LRP1B: variants seen among roughly 807,000 people sequenced by gnomAD.
LRP1B encodes LDL receptor related protein 1B.
In LRP1B, 217 loss-of-function variants were observed where a neutral mutation model predicts 556.6. The observed-to-expected ratio is 0.39, with a 90% CI of 0.35 to 0.44. The LOEUF is 0.44. Ranked by LOEUF, LRP1B falls within the 20% of genes least tolerant of loss-of-function variation. The pLI, the probability that LRP1B is intolerant of heterozygous loss-of-function variation, is 1.00. For synonymous variants in LRP1B, 2,047 were observed against 1,865.8 expected (o/e 1.10, Z -2.50); for missense variants, 5,053 against 5,620.8 (o/e 0.90, Z 3.23).
In LRP1B at chr2:140,501,878, G is replaced by A; in HGVS notation, c.8663-4C>T. The A allele has an allele frequency of 1.3e-6, 2 of 1,571,486 alleles. No individual in the cohort carries two copies. Among genetic ancestry groups the A allele is most frequent in the African/African-American group, 1.4e-5 (1 of 72,916 alleles). ...AATGAACTGTTGCATGACTGTTCTG[G>A]AAAAAAAATAAAACAAATGGAACAT... On this transcript the variant is annotated splice_region_variant and splice_polypyrimidine_tract_variant and intron_variant, in intron 54 of 90. Transcript: ENST00000389484.
At chr2:141,698,692 A>C (rs781652891) in intron 2 of LRP1B, among the ~76,000 whole-genome samples, 2 of 151,550 alleles carry the variant, frequency 1.3e-5, no homozygotes, top group Non-Finnish European at 2.9e-5. Flanking sequence ...AATAGAAATT[A>C]CTCAATAGCA....
intron 32 of LRP1B, among the ~76,000 whole-genome samples, chr2:140,776,890 CT>C (rs898422514): frequency 2.3e-4 from 35 of 152,120 alleles, no homozygotes; most frequent in African/African-American, 8.2e-4. Flanking sequence ...AGATCTCCCC[CT>C]CTTATTGTAT....
chr2:141,825,296 TAA>T (rs545819602), intron 1 of LRP1B, among the ~76,000 whole-genome samples: 12 of 152,236 alleles, frequency 7.9e-5, no homozygotes, highest in African/African-American at 2.9e-4. Context: ...GTAGCACAGA[TAA>T]AAAGACTGAA....
chr2:140,650,375 G>C (rs933959694), intron 41 of LRP1B, among the ~76,000 whole-genome samples: 1 of 149,404 alleles, frequency 6.7e-6, no homozygotes, highest in Non-Finnish European at 1.5e-5. Flanking sequence ...TTGAGAAGGA[G>C]TCTCACTCTG....
rs185458007 is a variant in LRP1B, at chr2:140,875,995, G to T, written c.4170-7732C>A. ...TTCCACGGACAGTTATTTTGTTTTGGTTCTCTTTAGAAGGTGGTTTTATAA... is the reference window on the plus strand; with the variant it reads ...TTCCACGGACAGTTATTTTGTTTTGTTTCTCTTTAGAAGGTGGTTTTATAA... On this transcript the variant is annotated intron_variant, in intron 25 of 90. Coordinates refer to ENST00000389484, the MANE Select transcript of LRP1B (RefSeq NM_018557.3). 2.1e-4 allele frequency among the ~76,000 whole-genome samples: 32 copies of T among 152,112 alleles called. No homozygotes were observed. The East Asian group carries it at 5.6e-3, about 27-fold the overall frequency.
chr2:140,532,771 C>T (rs77129824), intron 47 of LRP1B, among the ~76,000 whole-genome samples: 3,504 of 151,818 alleles, frequency 0.023, 126 homozygotes, highest in African/African-American at 0.079. Flanking sequence ...ATGGTAGTCC[C>T]TCTACTTGGA....
chr2:140,293,466 T>G (rs1683479069), intron 84 of LRP1B, among the ~76,000 whole-genome samples: 1 of 152,212 alleles, frequency 6.6e-6, no homozygotes, highest in Non-Finnish European at 1.5e-5. Flanking sequence ...AAAATTAATT[T>G]GCATTTCAGA....
chr2:140,980,111 A>G (rs1195901598), intron 18 of LRP1B, among the ~76,000 whole-genome samples: 1 of 152,044 alleles, frequency 6.6e-6, no homozygotes, highest in Admixed American at 6.6e-5. Flanking sequence ...AAAAAAAAAG[A>G]AAAAAAGAGA....
At chr2:140,957,466 A>G (rs1695907382) in intron 18 of LRP1B, among the ~76,000 whole-genome samples, 2 of 150,986 alleles carry the variant, frequency 1.3e-5, no homozygotes, top group African/African-American at 2.4e-5. Context: ...CAAAGAGAAC[A>G]CCTAGGAAGT....
At chr2:140,301,934 T>A (rs1172491896) in intron 83 of LRP1B, among the ~76,000 whole-genome samples, 1 of 151,936 alleles carries the variant, frequency 6.6e-6, no homozygotes, top group African/African-American at 2.4e-5. Context: ...TATATACATA[T>A]ACACATACCC....
At chr2:141,265,640 A>G (rs1684858987) in intron 3 of LRP1B, among the ~76,000 whole-genome samples, 4 of 152,210 alleles carry the variant, frequency 2.6e-5, no homozygotes, top group Admixed American at 2.6e-4. Flanking sequence ...TGTTTCTTCC[A>G]CTGAAACTGT....
intron 41 of LRP1B, among the ~76,000 whole-genome samples, chr2:140,663,929 A>C (rs2105345146): frequency 6.6e-6 from 1 of 152,228 alleles, no homozygotes; most frequent in South Asian, 2.1e-4. Context: ...AGACTGCTGT[A>C]GGTTATTAAC....
At chr2:141,843,468 A>T (rs1285252568) in intron 1 of LRP1B, among the ~76,000 whole-genome samples, 3 of 152,186 alleles carry the variant, frequency 2.0e-5, no homozygotes, top group East Asian at 3.9e-4. Flanking sequence ...TAAATGCATG[A>T]TCACAATCTA....
At chr2:141,256,589 G>A (rs553972207) in intron 3 of LRP1B, among the ~76,000 whole-genome samples, 3 of 152,134 alleles carry the variant, frequency 2.0e-5, no homozygotes, top group Admixed American at 1.3e-4. Context: ...ACTAGGAATG[G>A]CAAAATGCTA....
chr2:140,434,789 C>G (rs965575044), intron 66 of LRP1B, among the ~76,000 whole-genome samples: 1 of 152,156 alleles, frequency 6.6e-6, no homozygotes, highest in East Asian at 1.9e-4. Context: ...GTAATAACTA[C>G]GTGTCTTTTG....
intron 41 of LRP1B, among the ~76,000 whole-genome samples, chr2:140,698,809 T>A (rs1486501769): frequency 6.6e-6 from 1 of 152,096 alleles, no homozygotes; most frequent in Non-Finnish European, 1.5e-5. Context: ...TGGTCTATCT[T>A]GCACTTTGAA....
At chr2:141,095,357 A>G (rs1351229828) in intron 7 of LRP1B, among the ~76,000 whole-genome samples, 1 of 57,024 alleles carries the variant, frequency 1.8e-5, no homozygotes, top group African/African-American at 5.1e-5. Context: ...CTCTTTAGAG[A>G]AACAATGTGA....
At chr2:141,480,607 T>G in intron 2 of LRP1B, 74 bp from the exon 3 acceptor site, 1 of 1,431,726 alleles carries the variant, frequency 7.0e-7, no homozygotes, top group East Asian at 2.3e-5. Context: ...CACAAGAAAT[T>G]ACTAGCATTG....
At chr2:141,390,609 T>C (rs1690014731) in intron 3 of LRP1B, among the ~76,000 whole-genome samples, 1 of 152,212 alleles carries the variant, frequency 6.6e-6, no homozygotes, top group African/African-American at 2.4e-5. Flanking sequence ...TAAATAGGAA[T>C]GAAGTACTGA....
Sources: gnomAD v4.1 joint callset for allele counts (sites outside exome capture counted in the v4.1 genomes callset) on GRCh38, gnomAD v4.1.1 for gene constraint, MANE v1.5 for transcripts, NCBI Gene and HGNC (gene_info 2026-07-23, HGNC 2026-07-21) for gene names.